The following KCNQ1OT1 variants were observed in gnomAD, a reference collection of about 807,000 sequenced individuals.
The protein encoded by KCNQ1OT1 is KCNQ1 antisense RNA 2 (non-protein coding).
chr11:2,659,429 A>T lies in KCNQ1OT1; in HGVS notation n.40566T>A. 3 of 398,630 alleles carry T rather than the reference A, an allele frequency of 7.5e-6. No individual in the cohort carries two copies. The highest frequency in any genetic ancestry group is 1.3e-5 in the Non-Finnish European group (3 of 226,052). 24.7% of individuals were successfully genotyped at this position (398,630 alleles called of 1,614,324 possible). On this transcript the variant is annotated non_coding_transcript_exon_variant, in exon 1 of 1. Coordinates refer to ENST00000597346, the Ensembl canonical transcript of KCNQ1OT1. This position sits in a 1 kb window ranked among gnomAD's most constrained non-coding sequence, Gnocchi z 4.3. ...GAGATTCATCCATGTTGTTGCATAAATCATTAGTTAATTTCTTTTTATTGC... is the reference window on the plus strand; with the variant it reads ...GAGATTCATCCATGTTGTTGCATAATTCATTAGTTAATTTCTTTTTATTGC...
At position 2,657,138 on chromosome 11, in the gene KCNQ1OT1, A is replaced by T; in HGVS notation, n.42857T>A. The T allele has an allele frequency of 2.5e-6, 1 of 398,622 alleles. No individual in the cohort carries two copies. The allele number at this position is 398,622 out of a possible 1,614,324, so 24.7% of individuals were successfully genotyped here. On this transcript the variant is annotated non_coding_transcript_exon_variant, in exon 1 of 1. Transcript: ENST00000597346. This position sits in a 1 kb window ranked among gnomAD's most constrained non-coding sequence, Gnocchi z 4.8. Reference sequence around the variant, plus strand: ...TAATGACCACTGCCTTGGAAGAAGTACTGATGTTTGGTACAGCAAGTTCTC... The same window carrying T: ...TAATGACCACTGCCTTGGAAGAAGTTCTGATGTTTGGTACAGCAAGTTCTC...
At position 2,623,194 on chromosome 11, in the gene KCNQ1OT1, G is replaced by T; in HGVS notation, n.76801C>A. On this transcript the variant is annotated non_coding_transcript_exon_variant, in exon 1 of 1. Coordinates refer to ENST00000597346, the Ensembl canonical transcript of KCNQ1OT1. The surrounding 1 kb of genome is among the most constrained non-coding windows in gnomAD (Gnocchi z 5.2). ...CTGCTTCTCCTTTGCCTTCCGCCAT[G>T]ATTTTAAGTTTCTGAGGCCTGCCAG... The T allele has an allele frequency of 2.5e-6, 1 of 398,654 alleles. No homozygotes were observed. The highest frequency in any genetic ancestry group is 1.3e-4 in the South Asian group (1 of 7,832). The allele number at this position is 398,654 out of a possible 1,614,324, so 24.7% of individuals were successfully genotyped here.
At chr11:2,696,752 T>C (rs1850683212) in exon 1 of KCNQ1OT1, 1 of 398,502 alleles carries the variant, frequency 2.5e-6, no homozygotes, top group African/African-American at 2.1e-5. Flanking sequence ...TTTTAAAATT[T>C]TTTCCATAAA....
rs1474599426 is a variant in KCNQ1OT1 at position 2,653,091 on chromosome 11, G to A, written n.46904C>T. ...AAACATCCTCATACAGCAGGGTGTG[G>A]AGAGAGGCTCACTGAAGGTTTGGGG... is the stretch of plus-strand genomic sequence containing the variant. On this transcript the variant is annotated non_coding_transcript_exon_variant, in exon 1 of 1. Transcript: ENST00000597346. The surrounding 1 kb of genome is among the most constrained non-coding windows in gnomAD (Gnocchi z 5.3). 2.5e-6 allele frequency: 1 copy of A among 398,612 alleles called. No homozygotes were observed. The highest frequency in any genetic ancestry group is 4.4e-6 in the Non-Finnish European group (1 of 226,126). The allele number at this position is 398,612 out of a possible 1,614,324, so 24.7% of individuals were successfully genotyped here.
In KCNQ1OT1 at chr11:2,669,422, G is replaced by A. The variant is rs781419555; in HGVS notation, n.30573C>T. The A allele has an allele frequency of 2.5e-6, 1 of 398,622 alleles. No homozygotes were observed. The highest frequency in any genetic ancestry group is 4.4e-6 in the Non-Finnish European group (1 of 226,072). The allele number at this position is 398,622 out of a possible 1,614,324, so 24.7% of individuals were successfully genotyped here. ...GCATCATGTGTCCCTTGTTTATTTA[G>A]GTTGACTTTCATATCTTTTACCTTG... On this transcript the variant is annotated non_coding_transcript_exon_variant, in exon 1 of 1. Transcript: ENST00000597346. This position sits in a 1 kb window ranked among gnomAD's most constrained non-coding sequence, Gnocchi z 5.6.
exon 1 of KCNQ1OT1, chr11:2,640,288 T>C (rs1468244280): frequency 5.0e-5 from 20 of 398,032 alleles, no homozygotes; most frequent in Admixed American, 1.3e-4. Context: ...ATCACCCATC[T>C]TCTGCGTCAC....
exon 1 of KCNQ1OT1, chr11:2,649,949 G>A (rs1243390333): frequency 2.5e-6 from 1 of 398,310 alleles, no homozygotes; most frequent in African/African-American, 2.1e-5. Context: ...GCTTAATAGT[G>A]TCTCATATGT....
Position 2,653,175 on chromosome 11 carries a change from T to C in KCNQ1OT1, n.46820A>G, listed in dbSNP as rs948917321. Reference sequence around the variant, plus strand: ...AATGTCCCACCTTAGGAAATCCCTTTCCAAGAGTTCCCTGTGCTGTTGCAG... The same window carrying C: ...AATGTCCCACCTTAGGAAATCCCTTCCCAAGAGTTCCCTGTGCTGTTGCAG... On this transcript the variant is annotated non_coding_transcript_exon_variant, in exon 1 of 1. Transcript: ENST00000597346. The surrounding 1 kb of genome is among the most constrained non-coding windows in gnomAD (Gnocchi z 5.3). The C allele has an allele frequency of 2.8e-5, 11 of 398,608 alleles. No homozygotes were observed. The highest frequency in any genetic ancestry group is 4.4e-5 in the Non-Finnish European group (10 of 226,116). 24.7% of individuals were successfully genotyped at this position (398,608 alleles called of 1,614,324 possible). A position where few individuals can be genotyped will look rare whatever the true frequency, so the allele number is the denominator to read the frequency against.
exon 1 of KCNQ1OT1, chr11:2,667,154 C>T (rs997522184): frequency 1.0e-5 from 4 of 398,652 alleles, no homozygotes; most frequent in East Asian, 3.6e-5. Context: ...AATCAGATGC[C>T]CTCAATCTGG....
rs1850170532 is a variant in KCNQ1OT1, at chr11:2,670,823, T to C, written n.29172A>G. 2.5e-6 allele frequency: 1 copy of C among 398,472 alleles called. No individual in the cohort carries two copies. Among genetic ancestry groups the C allele is most frequent in the Admixed American group, 4.4e-5 (1 of 22,718 alleles). 24.7% of individuals were successfully genotyped at this position (398,472 alleles called of 1,614,324 possible). A position where few individuals can be genotyped will look rare whatever the true frequency, so the allele number is the denominator to read the frequency against. On this transcript the variant is annotated non_coding_transcript_exon_variant, in exon 1 of 1. Transcript: ENST00000597346. The surrounding 1 kb of genome is among the most constrained non-coding windows in gnomAD (Gnocchi z 4.9). ...TCAGCCTCTATGTGCATCATAAACC[T>C]GGTGCCACCAGCCAAGGAGGTCAAA...
chr11:2,656,509 T>G (rs961351030), exon 1 of KCNQ1OT1: 2 of 398,590 alleles, frequency 5.0e-6, no homozygotes, highest in Middle Eastern at 6.2e-4. Flanking sequence ...CTCCTGAGTT[T>G]ATTTACATTT....
Position 2,666,413 on chromosome 11 carries a change from G to A in KCNQ1OT1, n.33582C>T, listed in dbSNP as rs917346596. 13 of 398,546 alleles carry A rather than the reference G, an allele frequency of 3.3e-5. No homozygotes were observed. The South Asian group carries it at 3.8e-4, about 12-fold the overall frequency. 24.7% of individuals were successfully genotyped at this position (398,546 alleles called of 1,614,324 possible). On this transcript the variant is annotated non_coding_transcript_exon_variant, in exon 1 of 1. Coordinates refer to ENST00000597346, the Ensembl canonical transcript of KCNQ1OT1. ...CAAATCCTTGAGCAAAAACAGCCCC[G>A]TGTGCGTTAATTAGAATTTCCATGT...
chr11:2,637,080 TATTA>T (rs1849483183), exon 1 of KCNQ1OT1: 1 of 152,212 alleles, frequency 6.6e-6, no homozygotes, highest in Non-Finnish European at 1.5e-5. Flanking sequence ...CTCTCTTCTT[TATTA>T]GTCTTGCTAG....
Position 2,662,102 on chromosome 11 carries a change from G to A in KCNQ1OT1, n.37893C>T, listed in dbSNP as rs199755141. 549 of 1,613,984 alleles carry A rather than the reference G, an allele frequency of 3.4e-4. No individual in the cohort carries two copies. Among genetic ancestry groups the A allele is most frequent in the Non-Finnish European group, 3.4e-4 (401 of 1,180,018 alleles). Reference sequence around the variant, plus strand: ...TCACAGTGAGTGCCTACATGTGCGTGAAGGGCTGGGCTGGAGGGGACTGGA... The same window carrying A: ...TCACAGTGAGTGCCTACATGTGCGTAAAGGGCTGGGCTGGAGGGGACTGGA... On this transcript the variant is annotated non_coding_transcript_exon_variant, in exon 1 of 1. Coordinates refer to ENST00000597346, the Ensembl canonical transcript of KCNQ1OT1.
exon 1 of KCNQ1OT1, chr11:2,667,176 C>T (rs1281789894): frequency 7.5e-6 from 3 of 398,690 alleles, no homozygotes; most frequent in Non-Finnish European, 1.3e-5. Context: ...TTCCAGCCTG[C>T]CATCAGCCCA....
chr11:2,618,703 C>A, exon 1 of KCNQ1OT1: 1 of 398,408 alleles, frequency 2.5e-6, no homozygotes, highest in Non-Finnish European at 4.4e-6. Context: ...TCCAAATGAA[C>A]TTTAGAATTT....
chr11:2,660,660 GTT>G (rs2133854222), exon 1 of KCNQ1OT1: 1 of 398,594 alleles, frequency 2.5e-6, no homozygotes, highest in Non-Finnish European at 4.4e-6. Context: ...CAATGCCTCA[GTT>G]TTCATCCATG....
exon 1 of KCNQ1OT1, chr11:2,646,669 T>G (rs1849670917): frequency 2.5e-6 from 1 of 398,478 alleles, no homozygotes; most frequent in African/African-American, 2.1e-5. Context: ...GAACTTCAGG[T>G]GCAGGCCACC....
chr11:2,648,983 T>TTTTTTTTTTTTTTTTTTTTTTCC (rs1849713091), exon 1 of KCNQ1OT1: 1 of 20,084 alleles, frequency 5.0e-5, no homozygotes, highest in African/African-American at 1.7e-4. Flanking sequence ...TTCTTTTTCT[T>TTTTTTTTTTTTTTTTTTTTTTCC]TTTTTTTTTT....
Sources: gnomAD v4.1 joint callset for allele counts on GRCh38, gnomAD v4.1.1 for gene constraint, Gnocchi (gnomAD v3.1) non-coding constraint, MANE v1.5 for transcripts, NCBI Gene and HGNC (gene_info 2026-07-23, HGNC 2026-07-21) for gene names.